Variants in NR3C2 observed in about 807,000 individuals in gnomAD.
NR3C2 encodes the protein nuclear receptor subfamily 3 group C member 2.
NR3C2 carries 15 observed loss-of-function variants against 86.4 expected under a neutral mutation model. That is an observed-to-expected ratio of 0.17 (90% CI 0.12 to 0.27). The LOEUF is 0.27. Among genes scored for constraint, NR3C2 ranks in the 10% least tolerant of loss-of-function variants. The pLI is 1.00. For synonymous variants in NR3C2, 458 were observed against 450.5 expected, an observed-to-expected ratio of 1.02 and a Z score of -0.21; for missense variants, 960 against 1,195.6, an observed-to-expected ratio of 0.80 and a Z score of 2.91.
chr4:148,271,524 A>G (rs911783219), intron 2 of NR3C2, among the ~76,000 whole-genome samples: 1 of 152,162 alleles, frequency 6.6e-6, no homozygotes, highest in Non-Finnish European at 1.5e-5. Context: ...TGGCCACACG[A>G]AAGTACATAA....
chr4:148,403,112 C>T, intron 2 of NR3C2, among the ~76,000 whole-genome samples: 1 of 151,698 alleles, frequency 6.6e-6, no homozygotes, highest in Admixed American at 6.6e-5. Context: ...TTTAAATTAC[C>T]TGATGAAAGT....
chr4:148,170,601 G>A (rs1019652730), intron 4 of NR3C2, among the ~76,000 whole-genome samples: 8 of 152,068 alleles, frequency 5.3e-5, no homozygotes, highest in Non-Finnish European at 7.4e-5. Context: ...CAAACAGCTC[G>A]ACCTGGACTG....
rs767135997 is a variant in NR3C2 at position 148,436,059 on chromosome 4, T to G, written c.802A>C (p.Met268Leu). The change falls in exon 2 of 9, where the codon ATG becomes CTG. Residue 268 changes from methionine (M) to leucine (L), a missense_variant. Met to Leu is a conservative substitution (Grantham distance 15, BLOSUM62 2). Transcript: ENST00000358102. ...GSPLSSPLSS[M>L]KSSISSPPSH... ...GGAGGGCTGGAAATTGAGGATTTCA[T>G]GCTACTTAACGGACTTGAGAGAGGA... 2.5e-6 allele frequency: 4 copies of G among 1,614,076 alleles called. No homozygotes were observed. The highest frequency in any genetic ancestry group is 3.4e-6 in the Non-Finnish European group (4 of 1,180,046).
intron 3 of NR3C2, among the ~76,000 whole-genome samples, chr4:148,257,306 A>G (rs1739881276): frequency 6.6e-6 from 1 of 152,212 alleles, no homozygotes; most frequent in Non-Finnish European, 1.5e-5. Context: ...GACTAAGACT[A>G]CTAAACTGTG....
At chr4:148,289,309 A>C (rs996049501) in intron 2 of NR3C2, among the ~76,000 whole-genome samples, 7 of 149,946 alleles carry the variant, frequency 4.7e-5, no homozygotes, top group Non-Finnish European at 7.4e-5. Context: ...TGAATATGAC[A>C]GCCAACAACT....
intron 6 of NR3C2, among the ~76,000 whole-genome samples, chr4:148,144,790 C>T (rs1465608555): frequency 2.0e-5 from 3 of 152,206 alleles, no homozygotes; most frequent in Non-Finnish European, 4.4e-5. Context: ...ACACAATTTC[C>T]ATTCTGGAGT....
chr4:148,397,756 C>G (rs1747935282), intron 2 of NR3C2, among the ~76,000 whole-genome samples: 1 of 152,106 alleles, frequency 6.6e-6, no homozygotes. Context: ...AGCTAGAGCT[C>G]AAAAATGGAA....
chr4:148,176,444 C>T (rs562493119), intron 4 of NR3C2, among the ~76,000 whole-genome samples: 4 of 152,212 alleles, frequency 2.6e-5, no homozygotes, highest in African/African-American at 7.2e-5. Flanking sequence ...GACAGATGTA[C>T]AAAGGGAGCA....
chr4:148,420,724 G>A (rs6840422), intron 2 of NR3C2, among the ~76,000 whole-genome samples: 22,908 of 152,124 alleles, frequency 0.15, 2,183 homozygotes, highest in African/African-American at 0.26. Flanking sequence ...TTGAATCACA[G>A]GGGTGAATCC....
intron 8 of NR3C2, among the ~76,000 whole-genome samples, chr4:148,090,910 T>G (rs1040941202): frequency 1.3e-5 from 2 of 152,220 alleles, no homozygotes; most frequent in Admixed American, 6.5e-5. Context: ...GGGCCTGGCA[T>G]TAGAGCCAGC....
chr4:148,279,390 G>A (rs776434979), intron 2 of NR3C2, among the ~76,000 whole-genome samples: 2 of 152,126 alleles, frequency 1.3e-5, no homozygotes, highest in Non-Finnish European at 2.9e-5. Flanking sequence ...ATGAAGGCAA[G>A]CTTTAATTCC....
intron 4 of NR3C2, among the ~76,000 whole-genome samples, chr4:148,157,922 A>T (rs61757904): frequency 6.6e-6 from 1 of 152,244 alleles, no homozygotes. Context: ...CTATCAAACA[A>T]CAAAAGCTAT....
At chr4:148,415,000 A>G (rs1010065198) in intron 2 of NR3C2, among the ~76,000 whole-genome samples, 1 of 152,220 alleles carries the variant, frequency 6.6e-6, no homozygotes, top group African/African-American at 2.4e-5. Context: ...AATCTTTAAA[A>G]TATTTTGCAA....
chr4:148,267,241 T>C (rs1243811842), intron 2 of NR3C2, among the ~76,000 whole-genome samples: 1 of 152,206 alleles, frequency 6.6e-6, no homozygotes, highest in Non-Finnish European at 1.5e-5. Context: ...ATTCTGGCTA[T>C]GATTAATTAG....
At chr4:148,332,907 T>C (rs916938805) in intron 2 of NR3C2, among the ~76,000 whole-genome samples, 2 of 152,136 alleles carry the variant, frequency 1.3e-5, no homozygotes, top group African/African-American at 2.4e-5. Flanking sequence ...AATCCCTACT[T>C]TTCCATGTGT....
intron 2 of NR3C2, among the ~76,000 whole-genome samples, chr4:148,390,307 G>A (rs1038065055): frequency 6.6e-6 from 1 of 151,998 alleles, no homozygotes; most frequent in African/African-American, 2.4e-5. Flanking sequence ...ATGAATGCAT[G>A]AATGTTTGTT....
intron 3 of NR3C2, among the ~76,000 whole-genome samples, chr4:148,195,412 C>T (rs560301500): frequency 6.6e-6 from 1 of 152,282 alleles, no homozygotes; most frequent in South Asian, 2.1e-4. Context: ...GAAATTGTAG[C>T]CTAGCTTTAT....
At chr4:148,258,737 G>T (rs191740433) in intron 3 of NR3C2, among the ~76,000 whole-genome samples, 12 of 152,302 alleles carry the variant, frequency 7.9e-5, no homozygotes, top group Admixed American at 7.8e-4. Context: ...CTGAGCGAGC[G>T]GGATTGAGTT....
chr4:148,439,017 A>T (rs1750208271), intron 1 of NR3C2, among the ~76,000 whole-genome samples: 1 of 152,238 alleles, frequency 6.6e-6, no homozygotes, highest in Non-Finnish European at 1.5e-5. Context: ...GAAAATAAAT[A>T]AAATTACAAA....
Sources: gnomAD v4.1 joint callset for allele counts (sites outside exome capture counted in the v4.1 genomes callset) on GRCh38, gnomAD v4.1.1 for gene constraint, MANE v1.5 for transcripts, NCBI Gene and HGNC (gene_info 2026-07-23, HGNC 2026-07-21) for gene names.